Variants in KCNQ5 observed in about 807,000 individuals in gnomAD.
The protein encoded by KCNQ5 is potassium voltage-gated channel subfamily Q member 5.
In KCNQ5, 30 loss-of-function variants were observed where a neutral mutation model predicts 98.2. The ratio of observed to expected loss-of-function variants is 0.31; its 90% confidence interval spans 0.23 to 0.41. The LOEUF is 0.41. Among genes scored for constraint, KCNQ5 ranks in the 10% least tolerant of loss-of-function variants. The pLI is 1.00. For missense variants in KCNQ5, 835 were observed against 1,182.5 expected (o/e 0.71, Z 4.31); for synonymous variants, 458 against 449.4 (o/e 1.02, Z -0.24).
At chr6:72,733,623 G>A (rs1420647695) in intron 1 of KCNQ5, among the ~76,000 whole-genome samples, 1 of 152,224 alleles carries the variant, frequency 6.6e-6, no homozygotes, top group African/African-American at 2.4e-5. Context: ...GCAAGTTTCT[G>A]AGAAGTTAGC....
chr6:73,123,087 G>C (rs543376431), intron 8 of KCNQ5, among the ~76,000 whole-genome samples: 2 of 150,880 alleles, frequency 1.3e-5, no homozygotes, highest in Admixed American at 1.3e-4. Context: ...TGATGTGCAA[G>C]GCATAGTTCT....
Position 72,622,568 on chromosome 6 carries a change from T to C in KCNQ5, c.379T>C (p.Phe127Leu). The change falls in exon 1 of 14, where the codon TTC becomes CTC. Residue 127 changes from phenylalanine to leucine, a missense_variant. Transcript: ENST00000370398. The surrounding 1 kb of genome is among the most constrained non-coding windows in gnomAD (Gnocchi z 6.0). ...GCTGGAGAGACCCCGCGGCTGGGCG[T>C]TCATCTACCACGCTTTCGTGTGAGT... ...NVLERPRGWA[F>L]IYHAFVFLLV... 6.2e-7 allele frequency: 1 copy of C among 1,612,028 alleles called. No homozygotes were observed. Among genetic ancestry groups the C allele is most frequent in the Non-Finnish European group, 8.5e-7 (1 of 1,179,330 alleles).
chr6:72,847,424 G>A (rs1777065848), intron 1 of KCNQ5, among the ~76,000 whole-genome samples: 1 of 152,212 alleles, frequency 6.6e-6, no homozygotes, highest in Non-Finnish European at 1.5e-5. Flanking sequence ...GTCTCCCAAA[G>A]TGCTGGGATT....
At chr6:72,662,640 T>A (rs1440927744) in intron 1 of KCNQ5, among the ~76,000 whole-genome samples, 2 of 152,128 alleles carry the variant, frequency 1.3e-5, no homozygotes, top group Non-Finnish European at 2.9e-5. Context: ...AATATTTTTC[T>A]TTTCCCTTTA....
chr6:73,121,455 G>A lies in KCNQ5; in HGVS notation c.1220+878G>A, dbSNP rs879697375. Among the ~76,000 whole-genome samples the A allele has an allele frequency of 3.9e-5, 6 of 152,056 alleles. No homozygotes were observed. The East Asian group carries it at 7.7e-4, about 20-fold the overall frequency. On this transcript the variant is annotated intron_variant, in intron 8 of 13. Coordinates refer to ENST00000370398, the MANE Select transcript of KCNQ5 (RefSeq NM_019842.4). Reference sequence around the variant, plus strand: ...TTAAAGAAGTCCTCATTGAAATACCGAAGCAGTAAGTCATGAGAAAGGCTT... The same window carrying A: ...TTAAAGAAGTCCTCATTGAAATACCAAAGCAGTAAGTCATGAGAAAGGCTT...
At chr6:72,953,039 C>T (rs1766882001) in intron 1 of KCNQ5, among the ~76,000 whole-genome samples, 1 of 152,110 alleles carries the variant, frequency 6.6e-6, no homozygotes, top group African/African-American at 2.4e-5. Context: ...AGGCTATTTC[C>T]ATCTGATTCT....
At chr6:72,879,927 T>C (rs995902287) in intron 1 of KCNQ5, among the ~76,000 whole-genome samples, 2 of 152,198 alleles carry the variant, frequency 1.3e-5, no homozygotes, top group Admixed American at 1.3e-4. Context: ...CAGATCTGCT[T>C]TTCTTCTATC....
chr6:73,041,553 T>C (rs2150357268), intron 2 of KCNQ5, among the ~76,000 whole-genome samples: 1 of 152,332 alleles, frequency 6.6e-6, no homozygotes, highest in East Asian at 1.9e-4. Context: ...TCTGTAAAAC[T>C]TGCCATTATA....
intron 1 of KCNQ5, among the ~76,000 whole-genome samples, chr6:72,642,521 TG>T: frequency 6.6e-6 from 1 of 152,274 alleles, no homozygotes; most frequent in Admixed American, 6.5e-5. Context: ...TAAATGTCAC[TG>T]ATCATTAGAG....
intron 1 of KCNQ5, among the ~76,000 whole-genome samples, chr6:72,859,660 A>G (rs1216292896): frequency 1.3e-5 from 2 of 151,886 alleles, no homozygotes; most frequent in Admixed American, 1.3e-4. Flanking sequence ...AGCTCATGGC[A>G]GCCTCGACCT....
chr6:72,705,806 T>C (rs1393127454), intron 1 of KCNQ5, among the ~76,000 whole-genome samples: 1 of 152,080 alleles, frequency 6.6e-6, no homozygotes, highest in African/African-American at 2.4e-5. Flanking sequence ...TAATTTGTTG[T>C]ATTGTTATAA....
chr6:72,828,639 T>C lies in KCNQ5; in HGVS notation c.399-175269T>C, dbSNP rs371029884. Among the ~76,000 whole-genome samples the C allele has an allele frequency of 2.6e-5, 4 of 152,250 alleles. No individual in the cohort carries two copies. The East Asian group carries it at 5.8e-4, about 22-fold the overall frequency. On this transcript the variant is annotated intron_variant, in intron 1 of 13. Coordinates refer to ENST00000370398, the MANE Select transcript of KCNQ5 (RefSeq NM_019842.4). ...TTTTTGGTAGAGCCTTTAATTTTTC[T>C]TTACATAAGGTCACGTCACCTACAG...
At chr6:73,031,702 C>G (rs1008386766) in intron 2 of KCNQ5, among the ~76,000 whole-genome samples, 2 of 152,190 alleles carry the variant, frequency 1.3e-5, no homozygotes, top group African/African-American at 4.8e-5. Flanking sequence ...TGACAGAACA[C>G]ATTGCTGATC....
chr6:72,711,047 G>A (rs1178145826), intron 1 of KCNQ5, among the ~76,000 whole-genome samples: 1 of 152,090 alleles, frequency 6.6e-6, no homozygotes, highest in East Asian at 1.9e-4. Flanking sequence ...TGGAAAATTA[G>A]CAAATATGTG....
At position 72,745,612 on chromosome 6, in the gene KCNQ5, G is replaced by C. The variant is rs970701238; in HGVS notation, c.398+123025G>C. Reference sequence around the variant, plus strand: ...GCTTTTTGAGACAAGAATTAAGATTGTTGCCCTGATGCTAGTCATAGTGAA... The same window carrying C: ...GCTTTTTGAGACAAGAATTAAGATTCTTGCCCTGATGCTAGTCATAGTGAA... On this transcript the variant is annotated intron_variant, in intron 1 of 13. Transcript: ENST00000370398. 2.6e-5 allele frequency among the ~76,000 whole-genome samples: 4 copies of C among 152,166 alleles called. No homozygotes were observed. In the South Asian group the frequency reaches 8.3e-4, roughly 32 times the overall value.
In KCNQ5 at chr6:72,839,182, T is replaced by C. The variant is rs373225988; in HGVS notation, c.399-164726T>C. On this transcript the variant is annotated intron_variant, in intron 1 of 13. Coordinates refer to ENST00000370398, the MANE Select transcript of KCNQ5 (RefSeq NM_019842.4). ...TATTTGACTAACAACCATACAGTTC[T>C]TGTGTGAAAATTATTTAGAAATACA... Among the ~76,000 whole-genome samples, 9 of 152,166 alleles carry C rather than the reference T, an allele frequency of 5.9e-5. No individual in the cohort carries two copies. The East Asian group carries it at 1.5e-3, about 26-fold the overall frequency.
intron 1 of KCNQ5, among the ~76,000 whole-genome samples, chr6:72,683,726 A>C (rs1008096695): frequency 6.6e-6 from 1 of 151,408 alleles, no homozygotes; most frequent in Non-Finnish European, 1.5e-5. Flanking sequence ...GATGTCTCTT[A>C]GGAATGCCTG....
intron 10 of KCNQ5, among the ~76,000 whole-genome samples, chr6:73,144,288 C>A (rs1380669012): frequency 2.0e-5 from 3 of 152,112 alleles, no homozygotes; most frequent in Non-Finnish European, 2.9e-5. Context: ...CTTTTCTTCC[C>A]TTGCCATCTT....
At chr6:73,150,650 T>A (rs1777112375) in intron 10 of KCNQ5, among the ~76,000 whole-genome samples, 1 of 151,262 alleles carries the variant, frequency 6.6e-6, no homozygotes, top group African/African-American at 2.4e-5. Flanking sequence ...TCGTGGCACA[T>A]ACATGCTATG....
Sources: allele counts gnomAD v4.1 joint callset (sites outside exome capture counted in the v4.1 genomes callset), GRCh38; gene constraint gnomAD v4.1.1; non-coding constraint Gnocchi (gnomAD v3.1); transcripts MANE v1.5; gene names NCBI Gene and HGNC (gene_info 2026-07-23, HGNC 2026-07-21).